Variants in STX8 observed in about 807,000 individuals in gnomAD.
STX8 encodes the protein syntaxin 8, also known as syntaxin-8.
Under a neutral mutation model 37.5 loss-of-function variants are expected in STX8, and 23 were observed. The observed-to-expected ratio is 0.61, with a 90% CI of 0.44 to 0.87. The LOEUF (loss-of-function observed/expected upper bound fraction) is 0.87. STX8 is among the 40% of genes least tolerant of loss of function. STX8 has a pLI of 0.00. For missense variants in STX8, 313 were observed against 284.7 expected (o/e 1.10, Z -0.71); for synonymous variants, 115 against 99.1 (o/e 1.16, Z -0.95).
rs71135969 is a variant in STX8, at chr17:9,349,729, G to GTC, written c.643+28821_643+28822dup. Among the ~76,000 whole-genome samples the GTC allele has an allele frequency of 5.5e-3, 820 of 148,644 alleles. 7 individuals carry two copies. Among genetic ancestry groups the GTC allele is most frequent in the Admixed American group, 0.03 (440 of 14,888 alleles). On this transcript the variant is annotated intron_variant, in intron 7 of 7. Coordinates refer to ENST00000306357, the MANE Select transcript of STX8 (RefSeq NM_004853.3). Reference sequence around the variant, plus strand: ...CCGTAATAAAAGTTATGTGAATGTGGTCTCTCTCTCTCTCTCTCTCTCAAC... The same window carrying GTC: ...CCGTAATAAAAGTTATGTGAATGTGGTCTCTCTCTCTCTCTCTCTCTCTCAAC...
At chr17:9,445,524 T>TGGGGGGGGGGGGTGGGGGGGG (rs1904813897) in intron 6 of STX8, among the ~76,000 whole-genome samples, 1 of 25,674 alleles carries the variant, frequency 3.9e-5, no homozygotes, top group Non-Finnish European at 7.7e-5. Flanking sequence ...GGTTGGGGGG[T>TGGGGGGGGGGGGTGGGGGGGG]GGGGGTGAGG....
At chr17:9,261,997 G>A (rs929465691) in intron 7 of STX8, among the ~76,000 whole-genome samples, 27 of 152,192 alleles carry the variant, frequency 1.8e-4, no homozygotes, top group Middle Eastern at 3.4e-3. Flanking sequence ...AAACCCCTCC[G>A]TTTGTCCTAT....
At chr17:9,435,076 T>C (rs925011940) in intron 6 of STX8, among the ~76,000 whole-genome samples, 1 of 152,202 alleles carries the variant, frequency 6.6e-6, no homozygotes, top group Non-Finnish European at 1.5e-5. Flanking sequence ...GGGTTGTGAC[T>C]GGTGCTCAGA....
At chr17:9,483,705 G>T (rs1412662903) in intron 6 of STX8, among the ~76,000 whole-genome samples, 7 of 152,090 alleles carry the variant, frequency 4.6e-5, no homozygotes, top group African/African-American at 1.7e-4. Flanking sequence ...TTTCTAGCAC[G>T]TTCAAAGGAC....
At chr17:9,483,386 A>G (rs980602116) in intron 6 of STX8, among the ~76,000 whole-genome samples, 1 of 152,080 alleles carries the variant, frequency 6.6e-6, no homozygotes, top group Non-Finnish European at 1.5e-5. Context: ...TTGGGATCGC[A>G]CTTAGGGTTC....
At chr17:9,406,268 C>T (rs1912799625) in intron 6 of STX8, among the ~76,000 whole-genome samples, 2 of 152,004 alleles carry the variant, frequency 1.3e-5, no homozygotes, top group South Asian at 2.1e-4. Context: ...TTGTATGGGT[C>T]CCATGGTGTT....
At chr17:9,559,756 A>T (rs112118772) in intron 2 of STX8, among the ~76,000 whole-genome samples, 465 of 31,098 alleles carry the variant, frequency 0.015, 5 homozygotes, top group South Asian at 0.066. Flanking sequence ...ATATATATAT[A>T]TATATTTTTT....
intron 7 of STX8, among the ~76,000 whole-genome samples, chr17:9,334,990 A>AT (rs1910089306): frequency 6.6e-6 from 1 of 152,186 alleles, no homozygotes; most frequent in African/African-American, 2.4e-5. Context: ...ATTTCTAATC[A>AT]GTAGTTCACA....
chr17:9,289,612 TAAA>T (rs200727934), intron 7 of STX8, among the ~76,000 whole-genome samples: 1 of 141,316 alleles, frequency 7.1e-6, no homozygotes, highest in African/African-American at 2.6e-5. Context: ...CCATCTCTAC[TAAA>T]AAAAAAAACA....
At chr17:9,535,424 C>CCTTTTTTTTTTTTTTTTTTTTT (rs1905992804) in intron 4 of STX8, among the ~76,000 whole-genome samples, 2 of 51,550 alleles carry the variant, frequency 3.9e-5, no homozygotes, top group African/African-American at 1.5e-4. Flanking sequence ...AGCCATCCTA[C>CCTTTTTTTTTTTTTTTTTTTTT]TTTTTTTTTT....
chr17:9,258,641 G>A (rs956970469), intron 7 of STX8, among the ~76,000 whole-genome samples: 4 of 152,222 alleles, frequency 2.6e-5, no homozygotes, highest in Admixed American at 6.5e-5. Flanking sequence ...AATTTCCGCC[G>A]AATAATGCTT....
At chr17:9,353,391 T>C (rs1910773662) in intron 7 of STX8, among the ~76,000 whole-genome samples, 1 of 152,254 alleles carries the variant, frequency 6.6e-6, no homozygotes, top group Non-Finnish European at 1.5e-5. Flanking sequence ...AACCAAGAAC[T>C]GGGTGTAAAC....
chr17:9,544,463 G>A (rs1051388542), intron 4 of STX8, among the ~76,000 whole-genome samples: 23 of 151,770 alleles, frequency 1.5e-4, no homozygotes, highest in African/African-American at 5.3e-4. Flanking sequence ...TGTGAGCCCC[G>A]GACCAGTCTT....
At chr17:9,372,311 G>A (rs1214514394) in intron 7 of STX8, among the ~76,000 whole-genome samples, 1 of 151,986 alleles carries the variant, frequency 6.6e-6, no homozygotes, top group Admixed American at 6.6e-5. Context: ...CTTTTACTCT[G>A]AGGGTGTAGC....
At chr17:9,540,210 CCA>C (rs1447757481) in intron 4 of STX8, among the ~76,000 whole-genome samples, 28 of 152,208 alleles carry the variant, frequency 1.8e-4, no homozygotes, top group Non-Finnish European at 3.8e-4. Context: ...ATTCACTCCT[CCA>C]TACACTTCTT....
chr17:9,322,061 A>G (rs1408270922), intron 7 of STX8, among the ~76,000 whole-genome samples: 4 of 152,200 alleles, frequency 2.6e-5, no homozygotes, highest in Admixed American at 2.0e-4. Flanking sequence ...ACCTTTGACA[A>G]GTACTATTGG....
Position 9,393,122 on chromosome 17 carries a change from A to G in STX8, c.542-14469T>C, listed in dbSNP as rs115173386. 6.0e-3 allele frequency among the ~76,000 whole-genome samples: 907 copies of G among 152,290 alleles called. 3 individuals are homozygous for G. The highest frequency in any genetic ancestry group is 0.021 in the African/African-American group (874 of 41,558). ...GAACACAACCAAAGAAAAACAACAC[A>G]TTGCTTTATAGGGGAACAAAAATTT... On this transcript the variant is annotated intron_variant, in intron 6 of 7. Transcript: ENST00000306357.
chr17:9,361,844 A>C (rs919926766), intron 7 of STX8, among the ~76,000 whole-genome samples: 1 of 152,214 alleles, frequency 6.6e-6, no homozygotes, highest in Non-Finnish European at 1.5e-5. Flanking sequence ...ATTTCCATTT[A>C]GACAATATCC....
intron 5 of STX8, among the ~76,000 whole-genome samples, chr17:9,500,171 T>G (rs1028295224): frequency 6.6e-6 from 1 of 152,192 alleles, no homozygotes; most frequent in East Asian, 1.9e-4. Flanking sequence ...CTCAATAATT[T>G]CACTGTGAAA....
Sources: gnomAD v4.1 joint callset for allele counts (sites outside exome capture counted in the v4.1 genomes callset) on GRCh38, gnomAD v4.1.1 for gene constraint, MANE v1.5 for transcripts, NCBI Gene and HGNC (gene_info 2026-07-23, HGNC 2026-07-21) for gene names.